Variants in WWOX observed in about 807,000 individuals in gnomAD.
WWOX encodes the protein WW domain-containing oxidoreductase.
Under a neutral mutation model 46.2 loss-of-function variants are expected in WWOX, and 69 were observed. That is an observed-to-expected ratio of 1.49 (90% CI 1.23 to 1.82). The LOEUF (loss-of-function observed/expected upper bound fraction) is 1.82. Ranked by LOEUF, WWOX falls within the 40% of genes most tolerant of loss-of-function variation. The probability of loss-of-function intolerance (pLI) is 0.00; values close to 1 mark genes in which losing one functional copy is unlikely to be tolerated. For synonymous variants in WWOX, 359 were observed against 202.6 expected, an observed-to-expected ratio of 1.77 and a Z score of -6.56; for missense variants, 919 against 542.6, an observed-to-expected ratio of 1.69 and a Z score of -6.89.
At chr16:78,625,284 G>A (rs1322143603) in intron 8 of WWOX, among the ~76,000 whole-genome samples, 1 of 152,140 alleles carries the variant, frequency 6.6e-6, no homozygotes. Context: ...TGGTTCCCCT[G>A]ACTGAGCTCC....
intron 8 of WWOX, among the ~76,000 whole-genome samples, chr16:79,116,259 AAG>A (rs1430145560): frequency 6.6e-6 from 1 of 152,138 alleles, no homozygotes; most frequent in Non-Finnish European, 1.5e-5. Context: ...GACAAGGATA[AAG>A]CTTGCTGCAT....
chr16:78,355,775 G>T (rs879149680), intron 5 of WWOX: 2 of 703,072 alleles, frequency 2.8e-6, no homozygotes, highest in African/African-American at 1.9e-5. Context: ...GAATATTCCA[G>T]TGTTCTTTCT....
At chr16:78,303,658 C>T (rs2080082816) in intron 5 of WWOX, among the ~76,000 whole-genome samples, 1 of 152,200 alleles carries the variant, frequency 6.6e-6, no homozygotes, top group African/African-American at 2.4e-5. Context: ...GATTCTCATG[C>T]CTCAGACTCC....
chr16:78,993,042 T>C (rs1597248622), intron 8 of WWOX, among the ~76,000 whole-genome samples: 1 of 152,300 alleles, frequency 6.6e-6, no homozygotes, highest in East Asian at 1.9e-4. Context: ...TTTTTTCATA[T>C]ATAATTTTTC....
chr16:78,708,768 C>T (rs559532439), intron 8 of WWOX, among the ~76,000 whole-genome samples: 1 of 152,164 alleles, frequency 6.6e-6, no homozygotes, highest in East Asian at 1.9e-4. Context: ...ACGTTGAAAT[C>T]AGTGACAGAG....
At chr16:78,514,626 C>G (rs59184233) in intron 8 of WWOX, among the ~76,000 whole-genome samples, 1,620 of 152,192 alleles carry the variant, frequency 0.011, 30 homozygotes, top group African/African-American at 0.036. Flanking sequence ...GGCAAGATAG[C>G]AAGAGTTTCT....
intron 8 of WWOX, among the ~76,000 whole-genome samples, chr16:78,635,840 C>G (rs1343985828): frequency 6.6e-6 from 1 of 152,136 alleles, no homozygotes; most frequent in East Asian, 1.9e-4. Flanking sequence ...TTGGCGTTTC[C>G]TTGCAGATAT....
chr16:78,763,033 C>T (rs2049831867), intron 8 of WWOX, among the ~76,000 whole-genome samples: 1 of 152,172 alleles, frequency 6.6e-6, no homozygotes, highest in East Asian at 1.9e-4. Flanking sequence ...CTGAGTACGA[C>T]TCTGGGACTT....
At chr16:78,362,431 G>A (rs1242787795) in intron 5 of WWOX, among the ~76,000 whole-genome samples, 4 of 152,130 alleles carry the variant, frequency 2.6e-5, no homozygotes, top group Admixed American at 2.6e-4. Flanking sequence ...CCAACATGGT[G>A]AAACCCTATC....
intron 8 of WWOX, among the ~76,000 whole-genome samples, chr16:78,793,769 C>T (rs1457582162): frequency 2.0e-5 from 3 of 151,914 alleles, no homozygotes; most frequent in African/African-American, 7.3e-5. Flanking sequence ...AAGAGGAATC[C>T]AGGTTAGAAA....
chr16:78,340,126 A>G (rs1204001003), intron 5 of WWOX, among the ~76,000 whole-genome samples: 2 of 93,690 alleles, frequency 2.1e-5, no homozygotes, highest in African/African-American at 7.2e-5. Context: ...AATTGTTTTA[A>G]TTTTTCTTTT....
chr16:78,642,227 T>C (rs1327071289), intron 8 of WWOX, among the ~76,000 whole-genome samples: 1 of 152,188 alleles, frequency 6.6e-6, no homozygotes, highest in Non-Finnish European at 1.5e-5. Context: ...TCCCATGTTG[T>C]CAAGAAGGTG....
At chr16:78,666,925 G>T (rs1232842783) in intron 8 of WWOX, among the ~76,000 whole-genome samples, 1 of 152,180 alleles carries the variant, frequency 6.6e-6, no homozygotes, top group Non-Finnish European at 1.5e-5. Context: ...AGACACTGTT[G>T]ATGTCCAGGG....
chr16:78,387,110 A>G lies in WWOX; in HGVS notation c.605+162A>G, dbSNP rs564120643. On this transcript the variant is annotated intron_variant, in intron 6 of 8. Transcript: ENST00000566780. Reference sequence around the variant, plus strand: ...TGTTAAGGTGAACCGTATTTTCTTGACTCACAGTCACCTTCATTATGAGAT... The same window carrying G: ...TGTTAAGGTGAACCGTATTTTCTTGGCTCACAGTCACCTTCATTATGAGAT... Among the ~76,000 whole-genome samples, 3 of 152,192 alleles carry G rather than the reference A, an allele frequency of 2.0e-5. No individual in the cohort carries two copies. The East Asian group carries it at 5.8e-4, about 29-fold the overall frequency.
intron 8 of WWOX, among the ~76,000 whole-genome samples, chr16:78,530,101 G>A (rs539085944): frequency 6.6e-6 from 1 of 152,276 alleles, no homozygotes; most frequent in South Asian, 2.1e-4. Flanking sequence ...AGCAGGTGCA[G>A]GAGCCAGGGT....
intron 8 of WWOX, among the ~76,000 whole-genome samples, chr16:78,833,624 C>T (rs1010154229): frequency 6.6e-6 from 1 of 152,312 alleles, no homozygotes; most frequent in African/African-American, 2.4e-5. Context: ...ACATATGTTC[C>T]TTTCTCTTGT....
chr16:78,297,735 G>T (rs1002687822), intron 5 of WWOX, among the ~76,000 whole-genome samples: 1 of 152,036 alleles, frequency 6.6e-6, no homozygotes, highest in Non-Finnish European at 1.5e-5. Context: ...ACCTATGCAT[G>T]GTGGAATACA....
At chr16:79,146,202 G>A (rs1306597246) in intron 8 of WWOX, among the ~76,000 whole-genome samples, 2 of 152,172 alleles carry the variant, frequency 1.3e-5, no homozygotes, top group African/African-American at 4.8e-5. Context: ...ATGTTACCTT[G>A]AATATAATGC....
intron 8 of WWOX, among the ~76,000 whole-genome samples, chr16:78,625,289 AG>A (rs2046286692): frequency 6.6e-6 from 1 of 152,026 alleles, no homozygotes; most frequent in Non-Finnish European, 1.5e-5. Flanking sequence ...CCCCTGACTG[AG>A]CTCCTCACTA....
Sources: gnomAD v4.1 joint callset for allele counts (sites outside exome capture counted in the v4.1 genomes callset) on GRCh38, gnomAD v4.1.1 for gene constraint, MANE v1.5 for transcripts, NCBI Gene and HGNC (gene_info 2026-07-23, HGNC 2026-07-21) for gene names.